DBX2: variants seen among roughly 807,000 people sequenced by gnomAD.
The protein encoded by DBX2 is homeobox protein DBX2.
DBX2 carries 16 observed loss-of-function variants against 17.7 expected under a neutral mutation model. The ratio of observed to expected loss-of-function variants is 0.90; its 90% confidence interval spans 0.61 to 1.37. The LOEUF is 1.37. DBX2 is among the 40% of genes most tolerant of loss of function. DBX2 has a pLI of 0.00. For synonymous variants in DBX2, 255 were observed against 183.8 expected (o/e 1.39, Z -3.13); for missense variants, 538 against 433.8 (o/e 1.24, Z -2.13).
intron 2 of DBX2, among the ~76,000 whole-genome samples, chr12:45,026,810 G>T (rs1322394326): frequency 2.0e-5 from 3 of 152,110 alleles, no homozygotes; most frequent in Non-Finnish European, 2.9e-5. Context: ...ATAAACCTGA[G>T]ATGTCATCAA....
intron 1 of DBX2, among the ~76,000 whole-genome samples, chr12:45,048,981 A>G (rs775019255): frequency 2.0e-5 from 3 of 152,230 alleles, no homozygotes; most frequent in Admixed American, 6.5e-5. Flanking sequence ...AATAAAAAGA[A>G]TGTACTTAGG....
intron 1 of DBX2, among the ~76,000 whole-genome samples, chr12:45,037,338 C>A (rs1256308840): frequency 6.6e-6 from 1 of 152,170 alleles, no homozygotes; most frequent in Non-Finnish European, 1.5e-5. Flanking sequence ...ACACATTCAA[C>A]AGAGTGCCTA....
intron 2 of DBX2, among the ~76,000 whole-genome samples, chr12:45,033,484 G>GTAAATGCCT (rs1333254580): frequency 6.6e-6 from 1 of 152,064 alleles, no homozygotes; most frequent in Non-Finnish European, 1.5e-5. Flanking sequence ...AGAAAATCTA[G>GTAAATGCCT]TAAATGCCTT....
At chr12:45,034,093 G>A (rs1022413451) in intron 2 of DBX2, among the ~76,000 whole-genome samples, 8 of 149,262 alleles carry the variant, frequency 5.4e-5, no homozygotes, top group Non-Finnish European at 1.2e-4. Context: ...CTCTTCAAAC[G>A]TCCCTATAAA....
chr12:45,039,855 C>T (rs1946461964), intron 1 of DBX2, among the ~76,000 whole-genome samples: 2 of 151,644 alleles, frequency 1.3e-5, no homozygotes, highest in African/African-American at 2.4e-5. Flanking sequence ...ACAACTGACA[C>T]ATCTCCCAAG....
intron 2 of DBX2, among the ~76,000 whole-genome samples, chr12:45,031,225 T>TGTGTGAGAGAGAGAGAGAGA (rs1377897653): frequency 1.2e-5 from 1 of 85,624 alleles, no homozygotes; most frequent in African/African-American, 4.6e-5. Context: ...TGTGTGTGTG[T>TGTGTGAGAGAGAGAGAGAGA]GAGAGAGAGA....
At chr12:45,049,722 T>C (rs1382175893) in intron 1 of DBX2, among the ~76,000 whole-genome samples, 4 of 152,120 alleles carry the variant, frequency 2.6e-5, no homozygotes, top group African/African-American at 7.2e-5. Context: ...GCTTTTCCCT[T>C]TTATCACTGA....
chr12:45,015,747 G>T lies in DBX2; in HGVS notation c.*539C>A, dbSNP rs1946319795. 1 of 152,098 alleles carries T rather than the reference G, an allele frequency of 6.6e-6. No homozygotes were observed. Among genetic ancestry groups the T allele is most frequent in the Non-Finnish European group, 1.5e-5 (1 of 68,042 alleles). The allele number at this position is 152,098 out of a possible 1,614,324, so 9.4% of individuals were successfully genotyped here. A position where few individuals can be genotyped will look rare whatever the true frequency, so the allele number is the denominator to read the frequency against. On this transcript the variant is annotated 3_prime_UTR_variant, in exon 4 of 4. Transcript: ENST00000332700. ...ATTTGTTGAGGACTGCTGAGCTAAG[G>T]TGTTAAAATTCACTTACAGCTGGAT...
intron 2 of DBX2, among the ~76,000 whole-genome samples, chr12:45,034,245 T>C (rs1202268192): frequency 6.6e-6 from 1 of 152,124 alleles, no homozygotes; most frequent in African/African-American, 2.4e-5. Flanking sequence ...TATCATATCA[T>C]GATGAAATAA....
In DBX2 at chr12:45,042,428, CAAG is replaced by C. The variant is rs368180064; in HGVS notation, c.404-6317_404-6315del. Reference sequence around the variant, plus strand: ...GCAAAAGAAGAGAATGAAACCATTCCAAGAAGAAAAGGTTGCAGGGACAAAGGA... The same window carrying C: ...GCAAAAGAAGAGAATGAAACCATTCCAAGAAAAGGTTGCAGGGACAAAGGA... On this transcript the variant is annotated intron_variant, in intron 1 of 3. Coordinates refer to ENST00000332700, the MANE Select transcript of DBX2 (RefSeq NM_001004329.3). 5.2e-4 allele frequency among the ~76,000 whole-genome samples: 79 copies of C among 152,168 alleles called. No individual in the cohort carries two copies. The East Asian group carries it at 0.011, about 22-fold the overall frequency.
At position 45,051,067 on chromosome 12, in the gene DBX2, G is replaced by C; in HGVS notation, c.-140C>G. ...CGCGCGGAGCCAGGCAGGGAGGAAA[G>C]GCCACCCGGGACGGCGGCGGACTTG... On this transcript the variant is annotated 5_prime_UTR_variant, in exon 1 of 4. Transcript: ENST00000332700. 9.8e-7 allele frequency: 1 copy of C among 1,016,908 alleles called. No individual in the cohort carries two copies. Among genetic ancestry groups the C allele is most frequent in the Non-Finnish European group, 1.3e-6 (1 of 782,032 alleles). The allele number at this position is 1,016,908 out of a possible 1,614,324, so 63.0% of individuals were successfully genotyped here.
intron 1 of DBX2, among the ~76,000 whole-genome samples, chr12:45,042,442 T>A (rs1946476629): frequency 6.6e-6 from 1 of 152,134 alleles, no homozygotes. Context: ...AAGAAAAGGT[T>A]GCAGGGACAA....
rs2137015932 is a variant in DBX2 at position 45,015,779 on chromosome 12, A to G, written c.*507T>C. On this transcript the variant is annotated 3_prime_UTR_variant, in exon 4 of 4. Transcript: ENST00000332700. ...AATTCACTTACAGCTGGATACCAAA[A>G]GAAGTCAGAAAATAGAGAATTTTTA... 1 of 152,370 alleles carries G rather than the reference A, an allele frequency of 6.6e-6. No individual in the cohort carries two copies. The highest frequency in any genetic ancestry group is 1.9e-4 in the East Asian group (1 of 5,186). The allele number at this position is 152,370 out of a possible 1,614,324, so 9.4% of individuals were successfully genotyped here.
At chr12:45,020,537 G>A (rs961779865) in intron 3 of DBX2, among the ~76,000 whole-genome samples, 1 of 150,144 alleles carries the variant, frequency 6.7e-6, no homozygotes, top group African/African-American at 2.4e-5. Context: ...TGAGTGGGAG[G>A]GGATACCTGG....
At chr12:45,030,993 T>C (rs922806029) in intron 2 of DBX2, among the ~76,000 whole-genome samples, 5 of 152,144 alleles carry the variant, frequency 3.3e-5, no homozygotes, top group Non-Finnish European at 7.4e-5. Flanking sequence ...CTATTAACTA[T>C]TTCCTCAAAA....
rs904089124 is a variant in DBX2 at position 45,050,900 on chromosome 12, C to A, written c.28G>T (p.Ala10Ser). Residue 10 changes from alanine (A) to serine (S), a missense_variant, in exon 1 of 4, where the codon GCC becomes TCC. Transcript: ENST00000332700. Reference sequence around the variant, plus strand: ...GCCACAACGTCCCAGTACGCACCGGCGTGGGCTGCGACCGCGCTGGGGAGC... The same window carrying A: ...GCCACAACGTCCCAGTACGCACCGGAGTGGGCTGCGACCGCGCTGGGGAGC... Reference protein sequence around the residue: MLPSAVAAHAGAYWDVVASS... With the variant: MLPSAVAAHSGAYWDVVASS... The A allele has an allele frequency of 2.0e-6, 3 of 1,512,844 alleles. No individual in the cohort carries two copies. The highest frequency in any genetic ancestry group is 1.4e-5 in the African/African-American group (1 of 69,756). The allele number at this position is 1,512,844 out of a possible 1,614,324, so 93.7% of individuals were successfully genotyped here. A position where few individuals can be genotyped will look rare whatever the true frequency, so the allele number is the denominator to read the frequency against.
At chr12:45,023,947 A>G in intron 2 of DBX2, 53 bp from the exon 3 acceptor site, 1 of 1,484,174 alleles carries the variant, frequency 6.7e-7, no homozygotes, top group Non-Finnish European at 9.0e-7. Context: ...GAAAGAAGTC[A>G]GTCTTTCCTA....
At chr12:45,027,295 T>A (rs1946386265) in intron 2 of DBX2, among the ~76,000 whole-genome samples, 1 of 152,300 alleles carries the variant, frequency 6.6e-6, no homozygotes, top group South Asian at 2.1e-4. Context: ...GCCACAGATA[T>A]CCCTCACTAT....
At chr12:45,035,380 G>A (rs1490140488) in intron 2 of DBX2, among the ~76,000 whole-genome samples, 1 of 152,128 alleles carries the variant, frequency 6.6e-6, no homozygotes, top group East Asian at 1.9e-4. Context: ...TTACTTTTAT[G>A]CCTGCATTTT....
Sources: allele counts gnomAD v4.1 joint callset (sites outside exome capture counted in the v4.1 genomes callset), GRCh38; gene constraint gnomAD v4.1.1; transcripts MANE v1.5; gene names NCBI Gene and HGNC (gene_info 2026-07-23, HGNC 2026-07-21).